The following EGFLAM variants were observed in gnomAD, a reference collection of about 807,000 sequenced individuals.
The protein encoded by EGFLAM is EGF like, fibronectin type III and laminin G domains.
A neutral mutation model predicts 113.1 loss-of-function variants in EGFLAM; 79 were observed. The ratio of observed to expected loss-of-function variants is 0.70; its 90% confidence interval spans 0.58 to 0.84. The LOEUF (loss-of-function observed/expected upper bound fraction) is 0.84. EGFLAM is among the 40% of genes least tolerant of loss of function. The pLI, the probability that EGFLAM is intolerant of heterozygous loss-of-function variation, is 0.00. For synonymous variants in EGFLAM, 504 were observed against 487.6 expected, an observed-to-expected ratio of 1.03 and a Z score of -0.44; for missense variants, 1,265 against 1,291.6, an observed-to-expected ratio of 0.98 and a Z score of 0.32.
At chr5:38,314,497 TGTCTTTGGACCCTGAACAGATCACAGA>T (rs1738539722) in intron 1 of EGFLAM, among the ~76,000 whole-genome samples, 1 of 152,226 alleles carries the variant, frequency 6.6e-6, no homozygotes, top group Admixed American at 6.5e-5. Context: ...TCTCCTTGCC[TGTCTTTGGACCCTGAACAGATCACAGA>T]GTGATTGCTA....
intron 6 of EGFLAM, among the ~76,000 whole-genome samples, chr5:38,377,127 C>CT (rs35290896): frequency 0.013 from 1,913 of 147,314 alleles, 36 homozygotes; most frequent in African/African-American, 0.04. Flanking sequence ...GTTGTGTTCT[C>CT]TTTTTTTTTT....
chr5:38,451,220 C>A, intron 18 of EGFLAM, 95 bp from the exon 19 acceptor site: 1 of 1,521,150 alleles, frequency 6.6e-7, no homozygotes, highest in Non-Finnish European at 8.9e-7. Flanking sequence ...ACTATCCTTA[C>A]ATCTGGTTCC....
intron 6 of EGFLAM, among the ~76,000 whole-genome samples, chr5:38,375,525 G>A (rs1259794776): frequency 1.3e-5 from 2 of 152,202 alleles, no homozygotes; most frequent in Non-Finnish European, 2.9e-5. Context: ...ACTCCCTGGG[G>A]TCCTCTGTGG....
intron 1 of EGFLAM, among the ~76,000 whole-genome samples, chr5:38,288,288 G>A (rs1758219670): frequency 6.6e-6 from 1 of 152,092 alleles, no homozygotes; most frequent in Admixed American, 6.5e-5. Context: ...ACATCTTCTA[G>A]GACTTTCAAT....
At chr5:38,265,571 C>A (rs1271061284) in intron 1 of EGFLAM, among the ~76,000 whole-genome samples, 1 of 152,194 alleles carries the variant, frequency 6.6e-6, no homozygotes, top group East Asian at 1.9e-4. Context: ...AGAGGAAATC[C>A]CCCAAACTCA....
intron 1 of EGFLAM, among the ~76,000 whole-genome samples, chr5:38,281,371 T>TA (rs5867401): frequency 1.7e-4 from 26 of 151,382 alleles, no homozygotes; most frequent in African/African-American, 6.1e-4. Context: ...AATAATTTTA[T>TA]AAAAAAAAAT....
intron 1 of EGFLAM, among the ~76,000 whole-genome samples, chr5:38,301,142 T>G (rs1325880460): frequency 6.6e-6 from 1 of 152,072 alleles, no homozygotes; most frequent in South Asian, 2.1e-4. Flanking sequence ...ACAATGGTAC[T>G]GAAAGCCAAG....
intron 6 of EGFLAM, among the ~76,000 whole-genome samples, chr5:38,392,464 GT>G (rs1216984923): frequency 6.6e-6 from 1 of 152,112 alleles, no homozygotes; most frequent in African/African-American, 2.4e-5. Flanking sequence ...ATTCCTCTGG[GT>G]CTATACCCAC....
At chr5:38,345,682 G>A (rs2111969661) in intron 3 of EGFLAM, 1 of 152,338 alleles carries the variant, frequency 6.6e-6, no homozygotes, top group African/African-American at 2.4e-5. Flanking sequence ...ACTAACTTGT[G>A]TAGAAATGAA....
chr5:38,450,359 G>T (rs1190010681), intron 18 of EGFLAM, among the ~76,000 whole-genome samples: 1 of 152,066 alleles, frequency 6.6e-6, no homozygotes, highest in African/African-American at 2.4e-5. Context: ...ATGCAAACTT[G>T]GTCTCTTCCT....
chr5:38,360,522 CA>C (rs1316843474), intron 5 of EGFLAM, among the ~76,000 whole-genome samples: 1 of 152,206 alleles, frequency 6.6e-6, no homozygotes, highest in Non-Finnish European at 1.5e-5. Context: ...GCGTAACACA[CA>C]GGCTCTGGGC....
chr5:38,399,806 C>A (rs553562436), intron 6 of EGFLAM: 1 of 152,320 alleles, frequency 6.6e-6, no homozygotes, highest in South Asian at 2.1e-4. Flanking sequence ...ACTCAAAATA[C>A]AACCTGCTCC....
At chr5:38,459,032 C>A (rs1554016106) in intron 20 of EGFLAM, among the ~76,000 whole-genome samples, 2 of 151,196 alleles carry the variant, frequency 1.3e-5, no homozygotes, top group Non-Finnish European at 2.9e-5. Context: ...CTCCCTCTGG[C>A]TTTTTTTTGT....
intron 1 of EGFLAM, among the ~76,000 whole-genome samples, chr5:38,297,482 A>G (rs1758475407): frequency 6.6e-6 from 1 of 152,208 alleles, no homozygotes; most frequent in Non-Finnish European, 1.5e-5. Context: ...ATGAATTTCA[A>G]ATCACACAAT....
At chr5:38,267,711 T>C (rs1757667300) in intron 1 of EGFLAM, among the ~76,000 whole-genome samples, 1 of 152,214 alleles carries the variant, frequency 6.6e-6, no homozygotes, top group Non-Finnish European at 1.5e-5. Flanking sequence ...TTGGTGATTG[T>C]GCCATGCCAG....
intron 19 of EGFLAM, among the ~76,000 whole-genome samples, chr5:38,454,876 T>G (rs752702857): frequency 6.6e-6 from 1 of 152,214 alleles, no homozygotes; most frequent in Non-Finnish European, 1.5e-5. Context: ...ATTCTAAAAA[T>G]GTATATATGT....
chr5:38,436,415 C>T lies in EGFLAM; in HGVS notation c.2283+1162C>T, dbSNP rs147793621. On this transcript the variant is annotated intron_variant, in intron 16 of 21. Coordinates refer to ENST00000322350, the MANE Select transcript of EGFLAM (RefSeq NM_152403.4). Reference sequence around the variant, plus strand: ...GTCCCTCCTTTCACTGAAAAGGGCCCCTGGTACTGTGACCATTTTATCTCG... The same window carrying T: ...GTCCCTCCTTTCACTGAAAAGGGCCTCTGGTACTGTGACCATTTTATCTCG... Among the ~76,000 whole-genome samples, 530 of 152,202 alleles carry T rather than the reference C, an allele frequency of 3.5e-3. 3 individuals are homozygous for T. Among genetic ancestry groups the T allele is most frequent in the Non-Finnish European group, 2.6e-3 (179 of 68,012 alleles).
At chr5:38,371,275 C>T (rs537711027) in intron 6 of EGFLAM, among the ~76,000 whole-genome samples, 10 of 152,092 alleles carry the variant, frequency 6.6e-5, no homozygotes, top group South Asian at 2.1e-4. Context: ...TACATTCCTC[C>T]GGTAGAGCCC....
intron 1 of EGFLAM, among the ~76,000 whole-genome samples, chr5:38,304,916 C>T (rs1460899321): frequency 6.6e-6 from 1 of 151,840 alleles, no homozygotes; most frequent in South Asian, 2.1e-4. Flanking sequence ...TGAATAATAA[C>T]AAAAGGGCAA....
Sources: allele counts gnomAD v4.1 joint callset (sites outside exome capture counted in the v4.1 genomes callset), GRCh38; gene constraint gnomAD v4.1.1; transcripts MANE v1.5; gene names NCBI Gene and HGNC (gene_info 2026-07-23, HGNC 2026-07-21).